IMMP2L: variants seen among roughly 807,000 people sequenced by gnomAD.
IMMP2L encodes mitochondrial inner membrane protease subunit 2.
A neutral mutation model predicts 19.3 loss-of-function variants in IMMP2L; 18 were observed. That is an observed-to-expected ratio of 0.93 (90% CI 0.64 to 1.38). The LOEUF is 1.38. Among genes scored for constraint, IMMP2L ranks in the 40% most tolerant of loss-of-function variants. The probability of loss-of-function intolerance (pLI) is 0.00; values close to 1 mark genes in which losing one functional copy is unlikely to be tolerated. For missense variants in IMMP2L, 233 were observed against 218.2 expected, an observed-to-expected ratio of 1.07 and a Z score of -0.43; for synonymous variants, 76 against 73.0, an observed-to-expected ratio of 1.04 and a Z score of -0.21.
intron 3 of IMMP2L, among the ~76,000 whole-genome samples, chr7:111,353,116 A>C (rs1828350996): frequency 6.6e-6 from 1 of 152,218 alleles, no homozygotes; most frequent in South Asian, 2.1e-4. Context: ...TTCCAGAAGA[A>C]GCAGGCTGTG....
At chr7:111,080,223 C>T in intron 3 of IMMP2L, among the ~76,000 whole-genome samples, 1 of 152,072 alleles carries the variant, frequency 6.6e-6, no homozygotes, top group East Asian at 1.9e-4. Flanking sequence ...TTGCTGCAGG[C>T]AGAAACAGAA....
At chr7:110,833,844 A>T (rs1209429647) in intron 5 of IMMP2L, among the ~76,000 whole-genome samples, 1 of 152,166 alleles carries the variant, frequency 6.6e-6, no homozygotes, top group Non-Finnish European at 1.5e-5. Context: ...ACTCCTTTGA[A>T]TGGGGCAAAC....
rs770938973 is a variant in IMMP2L, at chr7:111,123,906, G to C, written c.240-160341C>G. ...TCAGGTGTGACTGTGTCATCCGTTG[G>C]ATGAACATGAACAAAACCAACATTC... On this transcript the variant is annotated intron_variant, in intron 3 of 5. Coordinates refer to ENST00000405709, the MANE Select transcript of IMMP2L (RefSeq NM_032549.4). The surrounding 1 kb of genome is among the most constrained non-coding windows in gnomAD (Gnocchi z 6.4). 1 of 1,613,992 alleles carries C rather than the reference G, an allele frequency of 6.2e-7. No individual in the cohort carries two copies. The highest frequency in any genetic ancestry group is 8.5e-7 in the Non-Finnish European group (1 of 1,179,992).
intron 3 of IMMP2L, among the ~76,000 whole-genome samples, chr7:111,322,271 G>GT (rs1157439061): frequency 6.6e-6 from 1 of 151,902 alleles, no homozygotes; most frequent in Non-Finnish European, 1.5e-5. Flanking sequence ...CATGGAAATA[G>GT]TATGTGCCAG....
Position 111,065,048 on chromosome 7 carries a change from C to T in IMMP2L, c.240-101483G>A, listed in dbSNP as rs149393803. Among the ~76,000 whole-genome samples the T allele has an allele frequency of 2.0e-4, 31 of 152,258 alleles. No homozygotes were observed. In the East Asian group the frequency reaches 4.8e-3, roughly 24 times the overall value. ...GTGCTTGCTGAAGGCTAAGGGAATA[C>T]GGAATGGGTAGTACAAGAAGGCAGT... On this transcript the variant is annotated intron_variant, in intron 3 of 5. Transcript: ENST00000405709.
At chr7:110,729,847 A>G (rs954917022) in intron 5 of IMMP2L, among the ~76,000 whole-genome samples, 2 of 152,176 alleles carry the variant, frequency 1.3e-5, no homozygotes, top group Admixed American at 6.5e-5. Flanking sequence ...GATCTGTGCA[A>G]CAAACCACCA....
intron 3 of IMMP2L, among the ~76,000 whole-genome samples, chr7:111,330,845 T>C (rs923749229): frequency 1.2e-4 from 18 of 151,924 alleles, no homozygotes; most frequent in Admixed American, 1.1e-3. Flanking sequence ...TCGCTAATCA[T>C]TAGAGAAATG....
At chr7:111,016,824 AATATATAG>A (rs1825693547) in intron 3 of IMMP2L, among the ~76,000 whole-genome samples, 1 of 54,094 alleles carries the variant, frequency 1.8e-5, no homozygotes, top group Non-Finnish European at 3.5e-5. Context: ...TATTATATAT[AATATATAG>A]TATATATTAT....
At chr7:111,539,212 A>G (rs1344525837) in intron 1 of IMMP2L, among the ~76,000 whole-genome samples, 6 of 74,462 alleles carry the variant, frequency 8.1e-5, no homozygotes, top group Admixed American at 2.6e-4. Flanking sequence ...GAAAGAAAGA[A>G]AGAAAGAAAG....
intron 3 of IMMP2L, among the ~76,000 whole-genome samples, chr7:111,425,858 T>C (rs1279984214): frequency 1.3e-5 from 2 of 151,184 alleles, no homozygotes; most frequent in African/African-American, 2.4e-5. Context: ...TAAGACTCGA[T>C]AAAAATCTTG....
intron 2 of IMMP2L, among the ~76,000 whole-genome samples, chr7:111,514,870 A>C (rs58759019): frequency 0.02 from 3,113 of 152,196 alleles, 108 homozygotes; most frequent in African/African-American, 0.071. Flanking sequence ...TTAACATAAC[A>C]GCAGTAAATA....
At chr7:110,860,100 A>G (rs546180391) in intron 5 of IMMP2L, among the ~76,000 whole-genome samples, 2 of 152,236 alleles carry the variant, frequency 1.3e-5, no homozygotes, top group Admixed American at 6.5e-5. Context: ...GTAGAGATCA[A>G]CATCAATGGT....
chr7:111,400,375 AGATCTCTTAAGATT>A (rs1833305568), intron 3 of IMMP2L, among the ~76,000 whole-genome samples: 1 of 152,136 alleles, frequency 6.6e-6, no homozygotes, highest in African/African-American at 2.4e-5. Context: ...CTTAGCACAA[AGATCTCTTAAGATT>A]TTTCAATCTC....
intron 3 of IMMP2L, among the ~76,000 whole-genome samples, chr7:111,371,639 C>T (rs140796338): frequency 8.7e-4 from 133 of 152,086 alleles, no homozygotes; most frequent in African/African-American, 3.1e-3. Flanking sequence ...ACTGTATGTA[C>T]AGAGACTGAA....
chr7:111,547,339 CCAGA>C (rs1849018516), intron 1 of IMMP2L, among the ~76,000 whole-genome samples: 3 of 152,026 alleles, frequency 2.0e-5, no homozygotes, highest in African/African-American at 7.2e-5. Flanking sequence ...ATTTAAACAA[CCAGA>C]CAATCAGACC....
At chr7:111,000,976 A>G (rs964604358) in intron 3 of IMMP2L, among the ~76,000 whole-genome samples, 1 of 152,232 alleles carries the variant, frequency 6.6e-6, no homozygotes, top group South Asian at 2.1e-4. Context: ...AGAAAAGCCA[A>G]AGTTAGCAGC....
chr7:111,261,227 GT>G (rs1418259610), intron 3 of IMMP2L, among the ~76,000 whole-genome samples: 2 of 152,080 alleles, frequency 1.3e-5, no homozygotes, highest in Non-Finnish European at 2.9e-5. Context: ...TCTCATCATA[GT>G]TTAGCTCTCT....
chr7:111,027,954 G>C (rs1827029493), intron 3 of IMMP2L, among the ~76,000 whole-genome samples: 1 of 151,988 alleles, frequency 6.6e-6, no homozygotes, highest in East Asian at 1.9e-4. Flanking sequence ...AAAATGAAAG[G>C]CAAAAGCAAA....
intron 4 of IMMP2L, among the ~76,000 whole-genome samples, chr7:110,934,423 T>G (rs1815849648): frequency 6.6e-6 from 1 of 152,076 alleles, no homozygotes; most frequent in Non-Finnish European, 1.5e-5. Flanking sequence ...TGATCTAATA[T>G]TGACAGTGGG....
Sources: gnomAD v4.1 joint callset for allele counts (sites outside exome capture counted in the v4.1 genomes callset) on GRCh38, gnomAD v4.1.1 for gene constraint, Gnocchi (gnomAD v3.1) non-coding constraint, MANE v1.5 for transcripts, NCBI Gene and HGNC (gene_info 2026-07-23, HGNC 2026-07-21) for gene names.